USP34: variants seen among roughly 807,000 people sequenced by gnomAD.
USP34 encodes the protein ubiquitin specific peptidase 34, also known as ubiquitin carboxyl-terminal hydrolase 34.
In USP34, 70 loss-of-function variants were observed where a neutral mutation model predicts 460.3. The observed-to-expected ratio is 0.15, with a 90% CI of 0.13 to 0.19. USP34 has a LOEUF of 0.19. USP34 is among the 10% of genes least tolerant of loss of function. The pLI is 1.00. For synonymous variants in USP34, 1,647 were observed against 1,405.3 expected (o/e 1.17, Z -3.85); for missense variants, 3,985 against 4,236.2 (o/e 0.94, Z 1.65).
At chr2:61,228,485 A>C (rs756339347) in intron 61 of USP34, among the ~76,000 whole-genome samples, 160 bp downstream of exon 61, 3 of 152,216 alleles carry the variant, frequency 2.0e-5, no homozygotes, top group Admixed American at 1.3e-4. Context: ...TATCCATTAA[A>C]ATTACATTAA....
In USP34 at chr2:61,415,669, C is replaced by G. The variant is rs538755284; in HGVS notation, c.131+5077G>C. On this transcript the variant is annotated intron_variant, in intron 2 of 79. Transcript: ENST00000398571. ...AAGGAGGGTGAGGAGACAGGGGACA[C>G]AGGGACTTTATTATAGGCATTTCCC... Among the ~76,000 whole-genome samples the G allele has an allele frequency of 4.6e-5, 7 of 152,278 alleles. No homozygotes were observed. The East Asian group carries it at 1.2e-3, about 25-fold the overall frequency.
chr2:61,378,428 T>C lies in USP34; in HGVS notation c.1015-4A>G. 6.3e-7 allele frequency: 1 copy of C among 1,581,068 alleles called. No individual in the cohort carries two copies. Among genetic ancestry groups the C allele is most frequent in the Non-Finnish European group, 8.6e-7 (1 of 1,168,900 alleles). On this transcript the variant is annotated splice_region_variant and splice_polypyrimidine_tract_variant and intron_variant, in intron 7 of 79. Coordinates refer to ENST00000398571, the MANE Select transcript of USP34 (RefSeq NM_014709.4). The stretch of plus-strand genomic sequence containing the variant: ...CATTGAAGGTATGGAGTTGATTCTA[T>C]GATTAAAGACAAGAAATTAAGGGTT...
chr2:61,219,670 CAA>C (rs1264885020), intron 67 of USP34, among the ~76,000 whole-genome samples: 22 of 78,556 alleles, frequency 2.8e-4, no homozygotes, highest in Admixed American at 5.9e-4. Flanking sequence ...GACTCTGTCT[CAA>C]AAAAAAAAAA....
intron 24 of USP34, 57 bp downstream of exon 24, chr2:61,314,818 T>C (rs747392271): frequency 2.3e-5 from 36 of 1,589,974 alleles, no homozygotes; most frequent in Non-Finnish European, 3.0e-5. Flanking sequence ...AAATTTTAGT[T>C]TCACAAAACA....
At position 61,233,834 on chromosome 2, in the gene USP34, C is replaced by T. The variant is rs1168487847; in HGVS notation, c.7033-1302G>A. Among the ~76,000 whole-genome samples the T allele has an allele frequency of 1.1e-4, 14 of 124,690 alleles. No individual in the cohort carries two copies. The East Asian group carries it at 3.2e-3, about 29-fold the overall frequency. The allele number at this position is 124,690 out of a possible 152,430, so 81.8% of individuals were successfully genotyped here. A position where few individuals can be genotyped will look rare whatever the true frequency, so the allele number is the denominator to read the frequency against. On this transcript the variant is annotated intron_variant, in intron 57 of 79. Transcript: ENST00000398571. ...AGCCTGGATGACAGAGTGACACCCA[C>T]TCTGGGGGTAAAAAAAAAAAAAAAA...
chr2:61,419,616 G>C (rs2103970003), intron 2 of USP34, among the ~76,000 whole-genome samples: 1 of 152,146 alleles, frequency 6.6e-6, no homozygotes, highest in African/African-American at 2.4e-5. Context: ...TTGTTTCTCT[G>C]GATTTCATTT....
intron 72 of USP34, among the ~76,000 whole-genome samples, 181 bp downstream of exon 72, chr2:61,205,836 T>C (rs1216526399): frequency 6.6e-6 from 1 of 152,208 alleles, no homozygotes; most frequent in Admixed American, 6.5e-5. Flanking sequence ...ATCATGTGGG[T>C]AATGTAATTA....
At chr2:61,399,233 G>A (rs948370686) in intron 3 of USP34, among the ~76,000 whole-genome samples, 26 of 151,992 alleles carry the variant, frequency 1.7e-4, no homozygotes, top group Non-Finnish European at 3.2e-4. Flanking sequence ...CAGCTACTCA[G>A]GAGGTTTCAG....
In USP34 at chr2:61,193,110, A is replaced by G. The variant is rs939570216; in HGVS notation, c.9509-130T>C. The G allele has an allele frequency of 1.1e-5, 8 of 697,996 alleles. No individual in the cohort carries two copies. In the Admixed American group the frequency reaches 1.9e-4, roughly 16 times the overall value. The allele number at this position is 697,996 out of a possible 1,614,324, so 43.2% of individuals were successfully genotyped here. On this transcript the variant is annotated intron_variant, in intron 75 of 79. Transcript: ENST00000398571. ...ATATTTTCTATATTTTAAAGTACATAAAGGGGAAAAATTCATTCCAATGTT... is the reference window on the plus strand; with the variant it reads ...ATATTTTCTATATTTTAAAGTACATGAAGGGGAAAAATTCATTCCAATGTT...
rs752400998 is a variant in USP34, at chr2:61,295,214, A to G, written c.4331T>C (p.Ile1444Thr). The G allele has an allele frequency of 2.1e-5, 34 of 1,612,370 alleles. No individual in the cohort carries two copies. The highest frequency in any genetic ancestry group is 1.6e-4 in the Middle Eastern group (1 of 6,076). The stretch of plus-strand genomic sequence containing the variant: ...TCTATTAGGTTTTCCCAGTGCTTCA[A>G]TAATTTCCAGAGCATACAATAGCTT... ...AHKLLYALEI[I>T]EALGKPNRRI... The change falls in exon 31 of 80, where the codon ATT becomes ACT. Residue 1444 changes from isoleucine (I) to threonine (T), a missense_variant. Transcript: ENST00000398571.
At chr2:61,199,519 G>A (rs1215943487) in intron 75 of USP34, among the ~76,000 whole-genome samples, 1 of 152,182 alleles carries the variant, frequency 6.6e-6, no homozygotes, top group Admixed American at 6.5e-5. Context: ...GCCTCCCAAA[G>A]TGCTGGGATT....
Position 61,218,911 on chromosome 2 carries a change from A to C in USP34, c.8047+1399T>G, listed in dbSNP as rs908700486. ...TTATCACCCGGCTGAGTTGTACTGTAAAGTTTCTTCACTGTAAAGTTACTT... is the reference window on the plus strand; with the variant it reads ...TTATCACCCGGCTGAGTTGTACTGTCAAGTTTCTTCACTGTAAAGTTACTT... On this transcript the variant is annotated intron_variant, in intron 67 of 79. Coordinates refer to ENST00000398571, the MANE Select transcript of USP34 (RefSeq NM_014709.4). Among the ~76,000 whole-genome samples, 3 of 152,292 alleles carry C rather than the reference A, an allele frequency of 2.0e-5. No individual in the cohort carries two copies. In the South Asian group the frequency reaches 6.2e-4, roughly 32 times the overall value.
At chr2:61,411,112 A>G (rs935846081) in intron 2 of USP34, among the ~76,000 whole-genome samples, 1 of 152,118 alleles carries the variant, frequency 6.6e-6, no homozygotes, top group Non-Finnish European at 1.5e-5. Context: ...AAGAAAATGA[A>G]AGCAACTCAT....
chr2:61,387,888 AAT>A (rs1240451079), intron 5 of USP34, among the ~76,000 whole-genome samples: 2 of 149,886 alleles, frequency 1.3e-5, no homozygotes, highest in African/African-American at 4.9e-5. Flanking sequence ...CATATGTAAA[AAT>A]ATATTTTTAT....
chr2:61,397,206 G>A (rs1374482330), intron 3 of USP34, among the ~76,000 whole-genome samples: 1 of 152,220 alleles, frequency 6.6e-6, no homozygotes, highest in Non-Finnish European at 1.5e-5. Context: ...ACTTTGGGAG[G>A]CCAAGGTGGG....
chr2:61,334,355 G>A (rs1297074571), intron 18 of USP34, among the ~76,000 whole-genome samples: 3 of 151,998 alleles, frequency 2.0e-5, no homozygotes, highest in African/African-American at 7.2e-5. Flanking sequence ...ACTAATGGAA[G>A]CACACCACAT....
chr2:61,303,073 G>T (rs1558519136), intron 27 of USP34, among the ~76,000 whole-genome samples: 2 of 147,778 alleles, frequency 1.4e-5, no homozygotes, highest in East Asian at 2.0e-4. Flanking sequence ...ATTATTGTAA[G>T]TTTTTTTTTT....
chr2:61,428,931 C>A (rs1694586497), intron 1 of USP34, among the ~76,000 whole-genome samples: 1 of 151,976 alleles, frequency 6.6e-6, no homozygotes, highest in Non-Finnish European at 1.5e-5. Flanking sequence ...CACAGGTAGC[C>A]AACAAACAAA....
chr2:61,195,410 A>C (rs1283699642), intron 75 of USP34, among the ~76,000 whole-genome samples: 1 of 150,448 alleles, frequency 6.6e-6, no homozygotes, highest in African/African-American at 2.4e-5. Flanking sequence ...ATAGTGGCTC[A>C]TGCCTGTAAC....
Sources: gnomAD v4.1 joint callset for allele counts (sites outside exome capture counted in the v4.1 genomes callset) on GRCh38, gnomAD v4.1.1 for gene constraint, MANE v1.5 for transcripts, NCBI Gene and HGNC (gene_info 2026-07-23, HGNC 2026-07-21) for gene names.